FRK: variants seen among roughly 807,000 people sequenced by gnomAD.
The protein encoded by FRK is fyn related Src family tyrosine kinase, also known as tyrosine-protein kinase FRK.
FRK carries 51 observed loss-of-function variants against 56.4 expected under a neutral mutation model. That is an observed-to-expected ratio of 0.90 (90% CI 0.72 to 1.14). The LOEUF is 1.14. Ranked by LOEUF, FRK falls within the 50% of genes most tolerant of loss-of-function variation. FRK has a pLI of 0.00. For synonymous variants in FRK, 245 were observed against 217.9 expected (o/e 1.12, Z -1.10); for missense variants, 570 against 601.4 (o/e 0.95, Z 0.55).
chr6:116,066,536 A>G, the FRK span, among the ~76,000 whole-genome samples: 12 of 152,092 alleles, frequency 7.9e-5, no homozygotes, highest in African/African-American at 2.9e-4. Flanking sequence ...AGCCAAAATA[A>G]TCTTTGTATA....
At chr6:116,051,282 G>C (rs1340237408) in intron 1 of FRK, among the ~76,000 whole-genome samples, 1 of 152,056 alleles carries the variant, frequency 6.6e-6, no homozygotes, top group East Asian at 1.9e-4. Flanking sequence ...GTATTTGATT[G>C]AGAATTTAGT....
chr6:115,986,213 C>CT (rs1452240925), intron 2 of FRK, among the ~76,000 whole-genome samples: 1 of 152,052 alleles, frequency 6.6e-6, no homozygotes, highest in Admixed American at 6.6e-5. Flanking sequence ...TGACAAACAG[C>CT]TGTCTTCACA....
In FRK at chr6:116,054,246, CAT is replaced by C. The variant is rs528970226; in HGVS notation, c.344+5720_344+5721del. On this transcript the variant is annotated intron_variant, in intron 1 of 7. Transcript: ENST00000606080. The stretch of plus-strand genomic sequence containing the variant: ...TCTTATTTTACATCATCATAAATAA[CAT>C]ATGGTGAAAAATAAAGGATGGGGAC... 1.8e-3 allele frequency among the ~76,000 whole-genome samples: 270 copies of C among 150,212 alleles called. 3 individuals carry two copies. The highest frequency in any genetic ancestry group is 5.8e-3 in the African/African-American group (239 of 41,102).
chr6:115,969,152 A>G (rs996187927), intron 2 of FRK, among the ~76,000 whole-genome samples: 12 of 152,166 alleles, frequency 7.9e-5, no homozygotes, highest in South Asian at 2.1e-4. Context: ...TGGTGCAGAG[A>G]CCAGGGAGAA....
chr6:115,968,866 G>T, intron 2 of FRK, 127 bp from the exon 3 acceptor site: 2 of 789,640 alleles, frequency 2.5e-6, no homozygotes, highest in Non-Finnish European at 3.9e-6. Flanking sequence ...TCTCAACTTT[G>T]TCTCAGAAAA....
At chr6:116,014,572 C>T (rs1381878013) in intron 1 of FRK, among the ~76,000 whole-genome samples, 1 of 150,992 alleles carries the variant, frequency 6.6e-6, no homozygotes, top group Non-Finnish European at 1.5e-5. Context: ...AAAAAAAAAC[C>T]CAAGAAATAT....
chr6:116,050,310 C>T (rs961739276), intron 1 of FRK, among the ~76,000 whole-genome samples: 8 of 152,166 alleles, frequency 5.3e-5, no homozygotes, highest in Non-Finnish European at 1.2e-4. Flanking sequence ...AAAAAATGAC[C>T]AAACATCTAC....
At chr6:116,076,523 AG>A in the FRK span, among the ~76,000 whole-genome samples, 1 of 152,212 alleles carries the variant, frequency 6.6e-6, no homozygotes, top group African/African-American at 2.4e-5. Context: ...CCCTTGTAAA[AG>A]TATAGCAATG....
At position 116,060,197 on chromosome 6, in the gene FRK, G is replaced by C. The variant is rs1477490893; in HGVS notation, c.115C>G (p.Gln39Glu). 1.2e-6 allele frequency: 2 copies of C among 1,614,142 alleles called. No homozygotes were observed. Among genetic ancestry groups the C allele is most frequent in the Admixed American group, 3.3e-5 (2 of 60,018 alleles). ...IENPGALCSP[Q>E]SQRHGHYFVA... The stretch of plus-strand genomic sequence containing the variant: ...AAGTAGTGGCCATGCCTCTGTGACT[G>C]GGGAGAGCAAAGGGCCCCTGGATTT... The change falls in exon 1 of 8, where the codon CAG (glutamine) becomes GAG (glutamate). Residue 39 changes from glutamine (Q) to glutamate (E), a missense_variant. Coordinates refer to ENST00000606080, the MANE Select transcript of FRK (RefSeq NM_002031.3).
upstream of FRK, among the ~76,000 whole-genome samples, chr6:116,061,215 G>A (rs1777611984): frequency 6.6e-6 from 1 of 152,118 alleles, no homozygotes; most frequent in Non-Finnish European, 1.5e-5. Context: ...GTCAGACACA[G>A]AGCAATTGGA....
At chr6:116,017,002 G>T (rs1283802219) in intron 1 of FRK, among the ~76,000 whole-genome samples, 1 of 152,122 alleles carries the variant, frequency 6.6e-6, no homozygotes, top group East Asian at 1.9e-4. Context: ...GAAACAAAAG[G>T]AAGGCTCTGC....
the FRK span, among the ~76,000 whole-genome samples, chr6:116,080,883 TGTTGTATTA>T: frequency 3.3e-5 from 5 of 152,228 alleles, 1 homozygote; most frequent in African/African-American, 1.2e-4. Flanking sequence ...AGAAAATAGA[TGTTGTATTA>T]GTCTGTTCTC....
At chr6:115,959,437 G>C (rs940100403) in intron 4 of FRK, among the ~76,000 whole-genome samples, 2 of 152,250 alleles carry the variant, frequency 1.3e-5, no homozygotes, top group African/African-American at 2.4e-5. Flanking sequence ...TATTAGATTG[G>C]ACAATAAAGT....
chr6:116,085,948 A>C, the FRK span, among the ~76,000 whole-genome samples: 1 of 152,262 alleles, frequency 6.6e-6, no homozygotes, highest in African/African-American at 2.4e-5. Context: ...TGACACTTCC[A>C]TTGTAAGCTG....
chr6:116,055,558 C>A (rs955615571), intron 1 of FRK, among the ~76,000 whole-genome samples: 39 of 152,358 alleles, frequency 2.6e-4, no homozygotes, highest in African/African-American at 8.7e-4. Context: ...CTCTAGCCCT[C>A]CTACCCACAA....
intron 1 of FRK, among the ~76,000 whole-genome samples, chr6:116,011,253 T>C (rs1231634180): frequency 6.6e-6 from 1 of 152,250 alleles, no homozygotes; most frequent in African/African-American, 2.4e-5. Context: ...CACTGACGTG[T>C]ACAAACTAGG....
intron 2 of FRK, among the ~76,000 whole-genome samples, chr6:115,971,822 A>G (rs1411565593): frequency 2.6e-5 from 4 of 152,190 alleles, no homozygotes; most frequent in African/African-American, 9.7e-5. Context: ...GAAACATGGT[A>G]TGGGTGCCTT....
intron 6 of FRK, among the ~76,000 whole-genome samples, 160 bp from the exon 7 acceptor site, chr6:115,943,345 T>C (rs1772277635): frequency 1.3e-5 from 2 of 151,964 alleles, no homozygotes; most frequent in South Asian, 2.1e-4. Flanking sequence ...GAATCTTGCA[T>C]ACAAGACTGA....
chr6:115,981,376 T>C (rs538256029), intron 2 of FRK, among the ~76,000 whole-genome samples: 1 of 152,284 alleles, frequency 6.6e-6, no homozygotes, highest in Non-Finnish European at 1.5e-5. Context: ...ACACCGTTAG[T>C]TGTTTTCAGA....
Sources: allele counts gnomAD v4.1 joint callset (sites outside exome capture counted in the v4.1 genomes callset), GRCh38; gene constraint gnomAD v4.1.1; transcripts MANE v1.5; gene names NCBI Gene and HGNC (gene_info 2026-07-23, HGNC 2026-07-21).